Variants in MTMR1 observed in about 807,000 individuals in gnomAD.
MTMR1 encodes phosphatidylinositol-3-phosphate phosphatase MTMR1.
Under a neutral mutation model 51.6 loss-of-function variants are expected in MTMR1, and 17 were observed. The observed-to-expected ratio is 0.33, with a 90% CI of 0.23 to 0.49. The LOEUF (loss-of-function observed/expected upper bound fraction) is 0.49. Ranked by LOEUF, MTMR1 falls within the 20% of genes least tolerant of loss-of-function variation. The probability of loss-of-function intolerance (pLI) is 0.99; values close to 1 mark genes in which losing one functional copy is unlikely to be tolerated. For missense variants in MTMR1, 386 were observed against 526.9 expected (o/e 0.73, Z 2.62); for synonymous variants, 201 against 205.6 (o/e 0.98, Z 0.19).
At chrX:150,732,826 C>A in intron 10 of MTMR1, 96 bp downstream of exon 10, 2 of 867,110 alleles carry the variant, frequency 2.3e-6, no homozygotes, top group Non-Finnish European at 1.6e-6. Context: ...TTCCTCACCA[C>A]CTGAAGTTAG....
intron 15 of MTMR1, among the ~76,000 whole-genome samples, chrX:150,761,095 T>C (rs782677873): frequency 9.0e-6 from 1 of 111,047 alleles, no homozygotes; most frequent in Non-Finnish European, 1.9e-5. Flanking sequence ...GTCACATGCC[T>C]GTAGATGGAT....
intron 4 of MTMR1, among the ~76,000 whole-genome samples, chrX:150,721,518 T>G (rs2041746456): frequency 8.9e-6 from 1 of 111,779 alleles, no homozygotes; most frequent in African/African-American, 3.3e-5. Flanking sequence ...TTTATGTCTT[T>G]CCAGGATTTT....
In MTMR1 at chrX:150,711,693, G is replaced by A. The variant is rs187521299; in HGVS notation, c.253-649G>A. On this transcript the variant is annotated intron_variant, in intron 2 of 15. Transcript: ENST00000445323. ...CGGGAACAGCCACTTACCTCTTCCC[G>A]CGTGGAGCCCCCCTTTGGCCATGCA... Among the ~76,000 whole-genome samples the A allele has an allele frequency of 2.9e-3, 328 of 112,331 alleles. 1 individual carries two copies. Among genetic ancestry groups the A allele is most frequent in the Middle Eastern group, 0.023 (5 of 215 alleles).
At chrX:150,750,685 G>T in intron 13 of MTMR1, 45 bp from the exon 14 acceptor site, 1 of 850,638 alleles carries the variant, frequency 1.2e-6, no homozygotes. Context: ...ATTACTTTTA[G>T]AAATTGGACT....
chrX:150,741,077 A>C (rs1018581724), intron 12 of MTMR1, among the ~76,000 whole-genome samples: 7 of 112,020 alleles, frequency 6.2e-5, no homozygotes, highest in Admixed American at 3.8e-4. Flanking sequence ...GCCTTTCTGC[A>C]ACCTAGCTCT....
At chrX:150,727,153 GTT>G (rs2041965799) in intron 4 of MTMR1, 60 bp from the exon 5 acceptor site, 7 of 750,720 alleles carry the variant, frequency 9.3e-6, no homozygotes, top group Admixed American at 2.9e-5. Flanking sequence ...GAAAACTCGT[GTT>G]AAGTTTTATG....
intron 2 of MTMR1, among the ~76,000 whole-genome samples, chrX:150,711,304 A>T (rs1368102622): frequency 8.9e-6 from 1 of 112,388 alleles, no homozygotes; most frequent in Non-Finnish European, 1.9e-5. Flanking sequence ...GACTTCAAAG[A>T]TTATTTTAAT....
chrX:150,712,077 G>A (rs1557416239), intron 2 of MTMR1, among the ~76,000 whole-genome samples: 2 of 111,439 alleles, frequency 1.8e-5, no homozygotes, highest in South Asian at 3.8e-4. Context: ...AGGGGTTTGC[G>A]TTTAAGGTAA....
In MTMR1 at chrX:150,762,661, G is replaced by A. The variant is rs141312913; in HGVS notation, c.1954G>A (p.Val652Ile). 398 of 1,206,361 alleles carry A rather than the reference G, an allele frequency of 3.3e-4. No individual in the cohort carries two copies. The highest frequency in any genetic ancestry group is 4.0e-4 in the Non-Finnish European group (359 of 893,253). The stretch of plus-strand genomic sequence containing the variant: ...ACAGCGGGAGGTGGCCACGCGCGCC[G>A]TCTCATCCTCATCTGAGCGGGGCTC... ...GLQREVATRAVSSSSERGSSP... is the reference protein window; with the variant it reads ...GLQREVATRAISSSSERGSSP... Residue 652 changes from valine to isoleucine, a missense_variant, in exon 16 of 16, where the codon GTC becomes ATC. Coordinates refer to ENST00000445323, the MANE Select transcript of MTMR1 (RefSeq NM_001306144.3).
At chrX:150,739,512 A>G (rs1264981284) in intron 12 of MTMR1, among the ~76,000 whole-genome samples, 1 of 112,102 alleles carries the variant, frequency 8.9e-6, no homozygotes, top group African/African-American at 3.2e-5. Flanking sequence ...GTCCTAGGGG[A>G]GAGAAAGCTT....
intron 13 of MTMR1, among the ~76,000 whole-genome samples, chrX:150,745,432 C>T (rs2042550906): frequency 8.9e-6 from 1 of 111,895 alleles, no homozygotes; most frequent in African/African-American, 3.2e-5. Flanking sequence ...AGCCCTGCTG[C>T]TCTTGATTGA....
chrX:150,713,918 C>CATGTATATATATGTGTGTAT (rs1557416308), intron 3 of MTMR1, among the ~76,000 whole-genome samples: 1 of 20,842 alleles, frequency 4.8e-5, no homozygotes, highest in Non-Finnish European at 1.6e-4. Flanking sequence ...TGTGTGTATA[C>CATGTATATATATGTGTGTAT]ACACACACAC....
At chrX:150,737,173 ATTTTACATTG>A in intron 11 of MTMR1, 59 bp from the exon 12 acceptor site, 2 of 1,054,534 alleles carry the variant, frequency 1.9e-6, no homozygotes, top group Non-Finnish European at 2.6e-6. Context: ...CCCCAGAATT[ATTTTACATTG>A]TTTTACATTT....
At chrX:150,719,725 A>G (rs781891816) in intron 4 of MTMR1, among the ~76,000 whole-genome samples, 17 of 112,426 alleles carry the variant, frequency 1.5e-4, no homozygotes, top group South Asian at 3.7e-4. Flanking sequence ...ATAATTTGTC[A>G]GTGAGTCAAA....
chrX:150,718,804 T>C, intron 4 of MTMR1, 104 bp downstream of exon 4: 2 of 756,233 alleles, frequency 2.6e-6, no homozygotes, highest in Non-Finnish European at 3.9e-6. Flanking sequence ...CCAGACCAAC[T>C]TAATTAGGGG....
intron 15 of MTMR1, among the ~76,000 whole-genome samples, chrX:150,759,939 G>C (rs932046242): frequency 9.1e-6 from 1 of 109,421 alleles, no homozygotes; most frequent in East Asian, 2.8e-4. Flanking sequence ...GCCCCCGACA[G>C]GGCCAGATCC....
rs782691250 is a variant in MTMR1, at chrX:150,764,375, G to A, written c.*1646G>A. On this transcript the variant is annotated 3_prime_UTR_variant, in exon 16 of 16. Transcript: ENST00000445323. ...AATTCTCCATTTTTTATCATATGTGGGATTTGTTGCTAAGTCGTGTTCAAC... is the reference window on the plus strand; with the variant it reads ...AATTCTCCATTTTTTATCATATGTGAGATTTGTTGCTAAGTCGTGTTCAAC... 5 of 111,685 alleles carry A rather than the reference G, an allele frequency of 4.5e-5. No individual in the cohort carries two copies. The highest frequency in any genetic ancestry group is 9.4e-5 in the Non-Finnish European group (5 of 53,148). The allele number at this position is 111,685 out of a possible 1,213,427, so 9.2% of individuals were successfully genotyped here. A position where few individuals can be genotyped will look rare whatever the true frequency, so the allele number is the denominator to read the frequency against.
At chrX:150,709,266 A>G (rs2041226225) in intron 2 of MTMR1, among the ~76,000 whole-genome samples, 1 of 112,250 alleles carries the variant, frequency 8.9e-6, no homozygotes, top group Non-Finnish European at 1.9e-5. Context: ...GGAGAGGGAC[A>G]TGGTGAACCA....
At chrX:150,716,724 G>A (rs368014722) in intron 3 of MTMR1, among the ~76,000 whole-genome samples, 1 of 112,136 alleles carries the variant, frequency 8.9e-6, no homozygotes, top group African/African-American at 3.2e-5. Flanking sequence ...TTTCTTCCCT[G>A]TATAAAATGT....
Sources: gnomAD v4.1 joint callset for allele counts (sites outside exome capture counted in the v4.1 genomes callset) on GRCh38, gnomAD v4.1.1 for gene constraint, MANE v1.5 for transcripts, NCBI Gene and HGNC (gene_info 2026-07-23, HGNC 2026-07-21) for gene names.